MACROD2: variants seen among roughly 807,000 people sequenced by gnomAD.
The protein encoded by MACROD2 is ADP-ribose glycohydrolase MACROD2.
A neutral mutation model predicts 70.4 loss-of-function variants in MACROD2; 36 were observed. The observed-to-expected ratio is 0.51, with a 90% CI of 0.39 to 0.68. MACROD2 has a LOEUF of 0.68. Ranked by LOEUF, MACROD2 falls within the 30% of genes least tolerant of loss-of-function variation. The pLI, the probability that MACROD2 is intolerant of heterozygous loss-of-function variation, is 0.00. For synonymous variants in MACROD2, 172 were observed against 178.8 expected (o/e 0.96, Z 0.30); for missense variants, 496 against 538.4 (o/e 0.92, Z 0.78).
chr20:14,461,700 G>A (rs1013423738), intron 3 of MACROD2, among the ~76,000 whole-genome samples: 3 of 143,704 alleles, frequency 2.1e-5, no homozygotes, highest in Non-Finnish European at 4.5e-5. Flanking sequence ...GTTCCCCTTC[G>A]TGTGTCCATG....
At chr20:15,615,372 G>A in intron 8 of MACROD2, among the ~76,000 whole-genome samples, 1 of 152,174 alleles carries the variant, frequency 6.6e-6, no homozygotes, top group South Asian at 2.1e-4. Flanking sequence ...GGTCAAGTTG[G>A]TAAGGTGGGA....
At chr20:14,783,832 C>T (rs1460752815) in intron 5 of MACROD2, among the ~76,000 whole-genome samples, 1 of 152,074 alleles carries the variant, frequency 6.6e-6, no homozygotes, top group South Asian at 2.1e-4. Flanking sequence ...AGAATATGTA[C>T]CTCCCTTTCC....
intron 8 of MACROD2, among the ~76,000 whole-genome samples, chr20:15,700,360 G>C (rs756091750): frequency 6.6e-6 from 1 of 152,162 alleles, no homozygotes; most frequent in African/African-American, 2.4e-5. Context: ...GCAAGGACGC[G>C]GCACTGGCGA....
intron 8 of MACROD2, among the ~76,000 whole-genome samples, chr20:15,643,986 C>A (rs952729584): frequency 1.1e-4 from 16 of 152,288 alleles, no homozygotes; most frequent in African/African-American, 3.6e-4. Flanking sequence ...TGCCTCTCTC[C>A]CTTTAAGTTC....
In MACROD2 at chr20:15,581,888, G is replaced by A. The variant is rs745319316; in HGVS notation, c.645+82041G>A. 4.6e-5 allele frequency among the ~76,000 whole-genome samples: 7 copies of A among 152,150 alleles called. No homozygotes were observed. The South Asian group carries it at 6.2e-4, about 13-fold the overall frequency. ...TATAATCCCAGCACTTTGGGAGGCC[G>A]AGGCAGGTGGATCGCTTGAGCGTAG... is the stretch of plus-strand genomic sequence containing the variant. On this transcript the variant is annotated intron_variant, in intron 8 of 17. Coordinates refer to ENST00000684519, the MANE Select transcript of MACROD2 (RefSeq NM_001351661.2).
At position 15,832,787 on chromosome 20, in the gene MACROD2, C is replaced by T. The variant is rs538906131; in HGVS notation, c.646-29958C>T. Among the ~76,000 whole-genome samples the T allele has an allele frequency of 3.5e-4, 54 of 152,244 alleles. 1 individual carries two copies. In the South Asian group the frequency reaches 9.1e-3, roughly 26 times the overall value. On this transcript the variant is annotated intron_variant, in intron 8 of 17. Transcript: ENST00000684519. ...ATCTCTGAGAGTGCAGCCTGGAACC[C>T]GCATGTTCAACAAGTTGTCCAGACC...
chr20:14,407,191 T>C (rs1026571530), intron 3 of MACROD2, among the ~76,000 whole-genome samples: 3 of 152,126 alleles, frequency 2.0e-5, no homozygotes, highest in Admixed American at 6.6e-5. Flanking sequence ...ATTTAAAGTC[T>C]TTCTTACCCT....
intron 3 of MACROD2, among the ~76,000 whole-genome samples, chr20:14,178,513 T>A (rs1453450550): frequency 6.6e-6 from 1 of 152,106 alleles, no homozygotes; most frequent in African/African-American, 2.4e-5. Flanking sequence ...TCTGCTCATT[T>A]GTGAGAAAAA....
At chr20:14,906,620 C>T (rs2073962589) in intron 5 of MACROD2, among the ~76,000 whole-genome samples, 1 of 152,156 alleles carries the variant, frequency 6.6e-6, no homozygotes, top group Non-Finnish European at 1.5e-5. Flanking sequence ...TATACTAAGA[C>T]AATTAAATTT....
At chr20:15,998,391 C>T (rs150888210) in intron 15 of MACROD2, among the ~76,000 whole-genome samples, 129 of 152,184 alleles carry the variant, frequency 8.5e-4, no homozygotes, top group Admixed American at 1.4e-3. Flanking sequence ...TCTGTTTCTT[C>T]GTGATTCAGC....
At chr20:14,799,147 A>T (rs962867366) in intron 5 of MACROD2, among the ~76,000 whole-genome samples, 2 of 152,182 alleles carry the variant, frequency 1.3e-5, no homozygotes, top group Admixed American at 1.3e-4. Context: ...ATGAAATACA[A>T]TAACTTAATA....
At chr20:15,367,760 C>A (rs2045432500) in intron 6 of MACROD2, among the ~76,000 whole-genome samples, 1 of 151,804 alleles carries the variant, frequency 6.6e-6, no homozygotes, top group Non-Finnish European at 1.5e-5. Context: ...TCCCTTATGT[C>A]CACGAAGAAA....
intron 8 of MACROD2, among the ~76,000 whole-genome samples, chr20:15,674,091 G>T (rs1267314197): frequency 6.6e-6 from 1 of 151,642 alleles, no homozygotes; most frequent in Non-Finnish European, 1.5e-5. Context: ...AGGATTTGGT[G>T]TTGGGGTGGT....
At chr20:14,314,292 T>C (rs1377030067) in intron 3 of MACROD2, among the ~76,000 whole-genome samples, 1 of 152,168 alleles carries the variant, frequency 6.6e-6, no homozygotes, top group Non-Finnish European at 1.5e-5. Context: ...GAGAAAAATA[T>C]GGCTTTGTTA....
intron 5 of MACROD2, among the ~76,000 whole-genome samples, chr20:14,990,970 A>C (rs2074898430): frequency 6.6e-6 from 1 of 152,196 alleles, no homozygotes; most frequent in African/African-American, 2.4e-5. Flanking sequence ...GAAGATAAAG[A>C]TCAAGAAGGG....
chr20:15,632,723 G>T (rs1162436915), intron 8 of MACROD2, among the ~76,000 whole-genome samples: 1 of 152,130 alleles, frequency 6.6e-6, no homozygotes, highest in East Asian at 1.9e-4. Flanking sequence ...GTCTGTCTTA[G>T]TAATAGTCTA....
chr20:14,755,769 T>C (rs2071932536), intron 5 of MACROD2, among the ~76,000 whole-genome samples: 1 of 152,028 alleles, frequency 6.6e-6, no homozygotes, highest in Admixed American at 6.5e-5. Context: ...GTTCTAAGAA[T>C]CTAGGAGGCC....
chr20:14,755,397 T>TTTTTAAA (rs1395878604), intron 5 of MACROD2, among the ~76,000 whole-genome samples: 1 of 152,124 alleles, frequency 6.6e-6, no homozygotes, highest in Non-Finnish European at 1.5e-5. Context: ...GAATGCCATG[T>TTTTTAAA]ATGCTTTTAA....
chr20:15,059,470 C>A (rs1372767268), intron 5 of MACROD2, among the ~76,000 whole-genome samples: 1 of 152,184 alleles, frequency 6.6e-6, no homozygotes, highest in Non-Finnish European at 1.5e-5. Context: ...CTGATGTCTT[C>A]TGAGATGGGT....
Sources: gnomAD v4.1 joint callset for allele counts (sites outside exome capture counted in the v4.1 genomes callset) on GRCh38, gnomAD v4.1.1 for gene constraint, MANE v1.5 for transcripts, NCBI Gene and HGNC (gene_info 2026-07-23, HGNC 2026-07-21) for gene names.